The following NEK1 variants were observed in gnomAD, a reference collection of about 807,000 sequenced individuals.
The protein encoded by NEK1 is NIMA related kinase 1, also known as serine/threonine-protein kinase Nek1.
NEK1 carries 137 observed loss-of-function variants against 182.1 expected under a neutral mutation model. The ratio of observed to expected loss-of-function variants is 0.75; its 90% CI spans 0.65 to 0.87. NEK1 has a LOEUF of 0.87. Ranked by LOEUF, NEK1 falls within the 40% of genes least tolerant of loss-of-function variation. The pLI is 0.00. For synonymous variants in NEK1, 513 were observed against 492.2 expected (o/e 1.04, Z -0.56); for missense variants, 1,391 against 1,494.4 (o/e 0.93, Z 1.14).
At chr4:169,459,099 A>G (rs923154566) in intron 27 of NEK1, among the ~76,000 whole-genome samples, 1 of 152,110 alleles carries the variant, frequency 6.6e-6, no homozygotes, top group African/African-American at 2.4e-5. Context: ...CAGATAAGAG[A>G]TACTCAATCC....
At chr4:169,597,982 T>G (rs1013675210) in intron 5 of NEK1, among the ~76,000 whole-genome samples, 16 of 151,858 alleles carry the variant, frequency 1.1e-4, no homozygotes, top group Non-Finnish European at 2.2e-4. Context: ...AATATCCCAT[T>G]TCTGAATGTG....
At chr4:169,600,606 T>C (rs140990339) in intron 4 of NEK1, among the ~76,000 whole-genome samples, 1 of 152,292 alleles carries the variant, frequency 6.6e-6, no homozygotes, top group African/African-American at 2.4e-5. Context: ...TAAGAATCTA[T>C]ATGATAAAGC....
At chr4:169,566,526 T>C (rs557336855) in intron 12 of NEK1, among the ~76,000 whole-genome samples, 1 of 152,240 alleles carries the variant, frequency 6.6e-6, no homozygotes, top group South Asian at 2.1e-4. Flanking sequence ...GCCACTCCTT[T>C]GCTTTAACAG....
At chr4:169,576,483 A>C (rs1248549692) in intron 12 of NEK1, 1 of 154,596 alleles carries the variant, frequency 6.5e-6, no homozygotes, top group Non-Finnish European at 1.4e-5. Flanking sequence ...TGTCGCTTAA[A>C]TTCTACAGGT....
In NEK1 at chr4:169,561,514, T is replaced by C. The variant is rs763942881; in HGVS notation, c.1232A>G (p.Asn411Ser). Residue 411 changes from asparagine (N) to serine (S), a missense_variant, in exon 16 of 36, where the codon AAT (asparagine) becomes AGT (serine). Physicochemically the swap from Asn to Ser is conservative, Grantham distance 46. This residue lies in a region of NEK1 where 1,216 missense variants were observed against 1,277.6 expected (regional missense o/e 0.95). Transcript: ENST00000507142. The stretch of plus-strand genomic sequence containing the variant: ...ACCACTTCCACCAGCACTTAGCACA[T>C]TTCTCCATCCTTGTTCCCTGGCCCT... ...INRAREQGWR[N>S]VLSAGGSGEV... 1.2e-6 allele frequency: 2 copies of C among 1,613,648 alleles called. No homozygotes were observed. Among genetic ancestry groups the C allele is most frequent in the African/African-American group, 1.3e-5 (1 of 75,042 alleles).
intron 12 of NEK1, among the ~76,000 whole-genome samples, chr4:169,576,430 A>T (rs189311230): frequency 6.6e-6 from 1 of 152,380 alleles, no homozygotes; most frequent in East Asian, 1.9e-4. Flanking sequence ...ACTGACATAA[A>T]GAAAATGTCA....
intron 27 of NEK1, among the ~76,000 whole-genome samples, chr4:169,456,861 T>C (rs540833839): frequency 6.6e-5 from 10 of 152,250 alleles, no homozygotes; most frequent in African/African-American, 2.4e-4. Flanking sequence ...ATATACACAA[T>C]GGAGTACTAT....
At chr4:169,510,344 T>A (rs751174859) in intron 19 of NEK1, among the ~76,000 whole-genome samples, 2 of 152,146 alleles carry the variant, frequency 1.3e-5, no homozygotes, top group Admixed American at 6.5e-5. Context: ...TATCCTTCTT[T>A]TTACTATATA....
Position 169,422,859 on chromosome 4 carries a change from G to A in NEK1, c.3222+1694C>T, listed in dbSNP as rs1483272850. 3.9e-5 allele frequency among the ~76,000 whole-genome samples: 6 copies of A among 152,238 alleles called. No individual in the cohort carries two copies. In the South Asian group the frequency reaches 8.3e-4, roughly 21 times the overall value. On this transcript the variant is annotated intron_variant, in intron 31 of 35. Transcript: ENST00000507142. ...GGCAATAGGTATTAAGAAGCTCTGAGCTAAAGATGGCTATACATCTTTACT... is the reference window on the plus strand; with the variant it reads ...GGCAATAGGTATTAAGAAGCTCTGAACTAAAGATGGCTATACATCTTTACT...
Position 169,406,402 on chromosome 4 carries a change from A to C in NEK1, c.3374+194T>G, listed in dbSNP as rs116659137. Reference sequence around the variant, plus strand: ...GCTGTTTACTAATGACATTATAGCCACTGTGTCCAGCCTGTATTCCAGCTA... The same window carrying C: ...GCTGTTTACTAATGACATTATAGCCCCTGTGTCCAGCCTGTATTCCAGCTA... On this transcript the variant is annotated intron_variant, in intron 32 of 35. Coordinates refer to ENST00000507142, the MANE Select transcript of NEK1 (RefSeq NM_001199397.3). 3.0e-3 allele frequency among the ~76,000 whole-genome samples: 456 copies of C among 152,086 alleles called. 1 individual carries two copies. Among genetic ancestry groups the C allele is most frequent in the African/African-American group, 0.01 (424 of 41,460 alleles).
At chr4:169,437,936 A>G (rs970711119) in intron 28 of NEK1, 147 bp downstream of exon 28, 2 of 604,938 alleles carry the variant, frequency 3.3e-6, no homozygotes, top group Non-Finnish European at 5.3e-6. Context: ...TAAAAAAAAG[A>G]CCAATAGCTA....
At chr4:169,546,973 A>C (rs1182727536) in intron 18 of NEK1, among the ~76,000 whole-genome samples, 1 of 152,210 alleles carries the variant, frequency 6.6e-6, no homozygotes, top group Non-Finnish European at 1.5e-5. Context: ...GCCCATTTAC[A>C]TTTAAGGCTA....
intron 31 of NEK1, among the ~76,000 whole-genome samples, chr4:169,416,434 A>C (rs953330066): frequency 1.3e-5 from 2 of 152,366 alleles, no homozygotes; most frequent in East Asian, 3.9e-4. Flanking sequence ...AGGTAAATAC[A>C]AAAGTCTTCT....
chr4:169,430,863 G>A (rs894753918), intron 29 of NEK1, among the ~76,000 whole-genome samples: 4 of 151,680 alleles, frequency 2.6e-5, no homozygotes, highest in African/African-American at 9.7e-5. Flanking sequence ...TGTTGGGGGT[G>A]GGGAGTGAGA....
chr4:169,444,296 T>C (rs934488602), intron 27 of NEK1, among the ~76,000 whole-genome samples: 2 of 151,866 alleles, frequency 1.3e-5, no homozygotes, highest in Admixed American at 6.6e-5. Flanking sequence ...CTAATATAAA[T>C]GAAATAAATT....
chr4:169,399,394 T>C (rs1057151518), intron 35 of NEK1, among the ~76,000 whole-genome samples: 2 of 151,982 alleles, frequency 1.3e-5, no homozygotes, highest in Non-Finnish European at 2.9e-5. Flanking sequence ...CTGGCCAACA[T>C]GGTGAAACCC....
At position 169,541,806 on chromosome 4, in the gene NEK1, T is replaced by A. The variant is rs561871387; in HGVS notation, c.1563-3895A>T. Among the ~76,000 whole-genome samples, 16 of 152,264 alleles carry A rather than the reference T, an allele frequency of 1.1e-4. No homozygotes were observed. The South Asian group carries it at 3.3e-3, about 32-fold the overall frequency. On this transcript the variant is annotated intron_variant, in intron 18 of 35. Transcript: ENST00000507142. ...CCCATATTCCCATCTAAATAGCCCA[T>A]GACACACTGTCATTTCAACCTTTGG...
chr4:169,607,860 CAGAAGGCA>C (rs1771641087), intron 2 of NEK1, among the ~76,000 whole-genome samples: 1 of 151,902 alleles, frequency 6.6e-6, no homozygotes, highest in Non-Finnish European at 1.5e-5. Context: ...CAGGACACAG[CAGAAGGCA>C]GGATTACTAG....
intron 5 of NEK1, 90 bp from the exon 6 acceptor site, chr4:169,590,899 A>G (rs1260921222): frequency 3.5e-6 from 3 of 849,704 alleles, no homozygotes; most frequent in African/African-American, 3.4e-5. Flanking sequence ...AAATCCTTAA[A>G]AAGATATTTT....
Sources: gnomAD v4.1 joint callset for allele counts (sites outside exome capture counted in the v4.1 genomes callset) on GRCh38, gnomAD v4.1.1 for gene constraint, gnomAD v4.1.1 regional missense constraint, MANE v1.5 for transcripts, NCBI Gene and HGNC (gene_info 2026-07-23, HGNC 2026-07-21) for gene names.